TMEM132C: variants seen among roughly 807,000 people sequenced by gnomAD.
TMEM132C encodes protein phosphatase 1, regulatory subunit 152.
Under a neutral mutation model 61.4 loss-of-function variants are expected in TMEM132C, and 29 were observed. The observed-to-expected ratio is 0.47, with a 90% CI of 0.35 to 0.64. The LOEUF (loss-of-function observed/expected upper bound fraction) is 0.64. Ranked by LOEUF, TMEM132C falls within the 30% of genes least tolerant of loss-of-function variation. The pLI is 0.00. For missense variants in TMEM132C, 1,408 were observed against 1,476.9 expected (o/e 0.95, Z 0.76); for synonymous variants, 656 against 633.1 (o/e 1.04, Z -0.54).
intron 1 of TMEM132C, among the ~76,000 whole-genome samples, chr12:128,398,122 A>G (rs997948239): frequency 2.0e-5 from 3 of 152,260 alleles, no homozygotes; most frequent in Non-Finnish European, 4.4e-5. Context: ...AGCATCAGTC[A>G]GTTAAGAATG....
At chr12:128,527,707 A>ATGTGTGTGTGTGTGTGTG (rs5801799) in intron 2 of TMEM132C, among the ~76,000 whole-genome samples, 11 of 147,196 alleles carry the variant, frequency 7.5e-5, no homozygotes, top group African/African-American at 2.5e-4. Context: ...ATGTGCATGT[A>ATGTGTGTGTGTGTGTGTG]TGTGTGTGTG....
chr12:128,376,606 A>G (rs923331220), intron 1 of TMEM132C, among the ~76,000 whole-genome samples: 2 of 152,222 alleles, frequency 1.3e-5, no homozygotes, highest in Admixed American at 6.5e-5. Flanking sequence ...CATTTAAAAG[A>G]TGGATCCAAA....
At chr12:128,434,118 G>T (rs1869492675) in intron 2 of TMEM132C, among the ~76,000 whole-genome samples, 1 of 152,182 alleles carries the variant, frequency 6.6e-6, no homozygotes, top group African/African-American at 2.4e-5. Context: ...CTCTCCTAGG[G>T]TGGGAGATCA....
intron 2 of TMEM132C, among the ~76,000 whole-genome samples, chr12:128,459,834 G>A (rs570482963): frequency 3.0e-4 from 41 of 137,310 alleles, no homozygotes; most frequent in African/African-American, 7.8e-4. Flanking sequence ...GCAGTGAGCC[G>A]AGATTGTGCC....
At chr12:128,435,783 C>T (rs141041435) in intron 2 of TMEM132C, among the ~76,000 whole-genome samples, 109 of 152,212 alleles carry the variant, frequency 7.2e-4, no homozygotes, top group African/African-American at 2.6e-3. Flanking sequence ...CTTCACAGAA[C>T]TGGAAAAAAA....
intron 1 of TMEM132C, among the ~76,000 whole-genome samples, chr12:128,348,140 C>G (rs1873230119): frequency 6.6e-6 from 1 of 152,194 alleles, no homozygotes; most frequent in Admixed American, 6.5e-5. Context: ...TTTCTGAGTA[C>G]AAGTCTTGCA....
intron 2 of TMEM132C, among the ~76,000 whole-genome samples, chr12:128,541,819 G>A (rs1456772056): frequency 6.6e-6 from 1 of 152,114 alleles, no homozygotes; most frequent in Non-Finnish European, 1.5e-5. Context: ...TCTTAGGATG[G>A]TATCACCCTC....
intron 3 of TMEM132C, among the ~76,000 whole-genome samples, chr12:128,604,981 T>G (rs959341229): frequency 3.2e-5 from 1 of 31,526 alleles, no homozygotes; most frequent in Admixed American, 4.0e-4. Flanking sequence ...GGTAGATGGA[T>G]GGACGGATGG....
At chr12:128,384,667 A>G (rs1400391430) in intron 1 of TMEM132C, among the ~76,000 whole-genome samples, 2 of 152,050 alleles carry the variant, frequency 1.3e-5, no homozygotes, top group Admixed American at 1.3e-4. Flanking sequence ...TGATTTTTAC[A>G]TGTATTTCTA....
At chr12:128,616,371 A>G (rs1461822490) in intron 4 of TMEM132C, 36 bp downstream of exon 4, 1 of 1,526,782 alleles carries the variant, frequency 6.5e-7, no homozygotes, top group South Asian at 1.2e-5. Flanking sequence ...TCCTGCATTC[A>G]GCCACCTGAC....
At chr12:128,567,739 T>C (rs1874751241) in intron 3 of TMEM132C, among the ~76,000 whole-genome samples, 1 of 152,200 alleles carries the variant, frequency 6.6e-6, no homozygotes, top group Non-Finnish European at 1.5e-5. Context: ...TCCACCCCAC[T>C]GACCTTTCCA....
chr12:128,605,222 G>A lies in TMEM132C; in HGVS notation c.1122-10930G>A, dbSNP rs150756791. Reference sequence around the variant, plus strand: ...AAGTCCCGAAAACTGCAGTTGTCAAGCCGAAGACCCAGGAGAGCCAGCAAA... The same window carrying A: ...AAGTCCCGAAAACTGCAGTTGTCAAACCGAAGACCCAGGAGAGCCAGCAAA... On this transcript the variant is annotated intron_variant, in intron 3 of 8. Coordinates refer to ENST00000435159, the MANE Select transcript of TMEM132C (RefSeq NM_001136103.3). Among the ~76,000 whole-genome samples the A allele has an allele frequency of 3.9e-4, 59 of 152,244 alleles. No individual in the cohort carries two copies. In the East Asian group the frequency reaches 0.01, roughly 26 times the overall value.
chr12:128,322,753 T>C (rs917422846), intron 1 of TMEM132C, among the ~76,000 whole-genome samples: 5 of 152,230 alleles, frequency 3.3e-5, no homozygotes, highest in African/African-American at 1.2e-4. Flanking sequence ...ACCAATTATA[T>C]GTAAGCATGG....
At chr12:128,441,640 C>T (rs1044264324) in intron 2 of TMEM132C, among the ~76,000 whole-genome samples, 3 of 152,280 alleles carry the variant, frequency 2.0e-5, no homozygotes, top group Admixed American at 6.5e-5. Flanking sequence ...AAACACTAGA[C>T]ATTTGGTGAC....
At chr12:128,551,096 C>T (rs142105244) in intron 3 of TMEM132C, among the ~76,000 whole-genome samples, 37 of 152,274 alleles carry the variant, frequency 2.4e-4, no homozygotes, top group Middle Eastern at 3.4e-3. Context: ...TCCAGTTTCT[C>T]CTGGTGCGTG....
chr12:128,596,778 G>A (rs939728160), intron 3 of TMEM132C, among the ~76,000 whole-genome samples: 1 of 151,522 alleles, frequency 6.6e-6, no homozygotes, highest in Non-Finnish European at 1.5e-5. Flanking sequence ...CCGTCACCAC[G>A]CACAGCAGCC....
chr12:128,559,251 A>G (rs1283102053), intron 3 of TMEM132C, among the ~76,000 whole-genome samples: 1 of 151,970 alleles, frequency 6.6e-6, no homozygotes, highest in Non-Finnish European at 1.5e-5. Flanking sequence ...TATATCTTGT[A>G]TTTTTTCCAT....
At position 128,705,385 on chromosome 12, in the gene TMEM132C, C is replaced by T. The variant is rs901648975; in HGVS notation, c.2417C>T (p.Ser806Phe). 6.4e-7 allele frequency: 1 copy of T among 1,551,266 alleles called. No individual in the cohort carries two copies. Among genetic ancestry groups the T allele is most frequent in the Admixed American group, 2.0e-5 (1 of 51,010 alleles). The change falls in exon 9 of 9, where the codon TCC becomes TTC. Residue 806 changes from serine (S) to phenylalanine (F), a missense_variant. Coordinates refer to ENST00000435159, the MANE Select transcript of TMEM132C (RefSeq NM_001136103.3). The stretch of plus-strand genomic sequence containing the variant: ...AAGTTCGGACAGAACGATGCTGACT[C>T]CAGCCCCGGCGGGGACTATGAGGAA... ...RVKFGQNDAD[S>F]SPGGDYEEDE...
At chr12:128,292,599 G>A (rs1193636724) in intron 1 of TMEM132C, among the ~76,000 whole-genome samples, 4 of 151,766 alleles carry the variant, frequency 2.6e-5, no homozygotes, top group African/African-American at 9.7e-5. Flanking sequence ...ACCTAGATGA[G>A]GTATTCATAA....
Sources: allele counts gnomAD v4.1 joint callset (sites outside exome capture counted in the v4.1 genomes callset), GRCh38; gene constraint gnomAD v4.1.1; transcripts MANE v1.5; gene names NCBI Gene and HGNC (gene_info 2026-07-23, HGNC 2026-07-21).